Variants in ARHGAP26 observed in about 807,000 individuals in gnomAD.
ARHGAP26 encodes rho GTPase-activating protein 26.
ARHGAP26 carries 38 observed loss-of-function variants against 104.8 expected under a neutral mutation model. That is an observed-to-expected ratio of 0.36 (90% CI 0.28 to 0.48). The LOEUF is 0.48. Among genes scored for constraint, ARHGAP26 ranks in the 20% least tolerant of loss-of-function variants. The probability of loss-of-function intolerance (pLI) is 0.99; values close to 1 mark genes in which losing one functional copy is unlikely to be tolerated. For missense variants in ARHGAP26, 704 were observed against 947.9 expected (o/e 0.74, Z 3.38); for synonymous variants, 341 against 340.0 (o/e 1.00, Z -0.03).
At chr5:143,139,855 G>A (rs193083141) in intron 19 of ARHGAP26, among the ~76,000 whole-genome samples, 34 of 152,284 alleles carry the variant, frequency 2.2e-4, no homozygotes, top group Non-Finnish European at 1.6e-4. Context: ...TGACACACAC[G>A]CTGTGCTTTT....
chr5:143,209,172 T>C (rs1166702274), intron 21 of ARHGAP26, among the ~76,000 whole-genome samples: 1 of 152,206 alleles, frequency 6.6e-6, no homozygotes, highest in Non-Finnish European at 1.5e-5. Flanking sequence ...ATCACTCAGC[T>C]AAAATCCTAA....
intron 11 of ARHGAP26, among the ~76,000 whole-genome samples, chr5:142,972,077 G>A (rs1470618475): frequency 1.3e-5 from 2 of 152,134 alleles, no homozygotes; most frequent in Non-Finnish European, 2.9e-5. Context: ...AGCTACTCGG[G>A]AGGCTGGGGC....
intron 13 of ARHGAP26, among the ~76,000 whole-genome samples, chr5:143,039,527 A>AT (rs1491023599): frequency 3.8e-5 from 4 of 106,446 alleles, no homozygotes; most frequent in Non-Finnish European, 2.8e-5. Flanking sequence ...CAGGAGTTTT[A>AT]ATTTTTTTTT....
At chr5:142,797,127 T>A (rs1440741122) in intron 1 of ARHGAP26, among the ~76,000 whole-genome samples, 11 of 152,230 alleles carry the variant, frequency 7.2e-5, no homozygotes, top group Admixed American at 2.0e-4. Flanking sequence ...CATAGTGACA[T>A]AATCAAAGCT....
At chr5:142,800,430 C>G (rs1359337164) in intron 1 of ARHGAP26, among the ~76,000 whole-genome samples, 1 of 150,792 alleles carries the variant, frequency 6.6e-6, no homozygotes, top group Non-Finnish European at 1.5e-5. Context: ...AGTGCAATAG[C>G]GTGATCTCGG....
intron 12 of ARHGAP26, among the ~76,000 whole-genome samples, chr5:143,033,482 C>CA (rs1177677169): frequency 9.9e-5 from 15 of 152,080 alleles, no homozygotes; most frequent in Non-Finnish European, 1.8e-4. Context: ...GCCACACACA[C>CA]AAAAAAAGGT....
intron 17 of ARHGAP26, among the ~76,000 whole-genome samples, chr5:143,090,070 C>T (rs1005116378): frequency 1.3e-5 from 2 of 152,252 alleles, no homozygotes; most frequent in African/African-American, 4.8e-5. Context: ...TGCATCCTTT[C>T]AGGTCTCCAA....
chr5:142,783,999 G>C (rs552478423), intron 1 of ARHGAP26, among the ~76,000 whole-genome samples: 1 of 152,200 alleles, frequency 6.6e-6, no homozygotes, highest in Non-Finnish European at 1.5e-5. Context: ...CACTGGAGGC[G>C]AGTGCCTCAG....
chr5:143,160,482 T>TA (rs1801091866), intron 20 of ARHGAP26, among the ~76,000 whole-genome samples: 1 of 150,820 alleles, frequency 6.6e-6, no homozygotes, highest in African/African-American at 2.4e-5. Context: ...GTGGTTTTTT[T>TA]TTCTTTCTTT....
intron 17 of ARHGAP26, among the ~76,000 whole-genome samples, chr5:143,119,310 G>A (rs1035826236): frequency 6.6e-6 from 1 of 152,184 alleles, no homozygotes; most frequent in Non-Finnish European, 1.5e-5. Flanking sequence ...ACTTGCACAC[G>A]GGACTTTTGT....
chr5:143,094,542 T>C (rs1235226961), intron 17 of ARHGAP26, among the ~76,000 whole-genome samples: 3 of 152,220 alleles, frequency 2.0e-5, no homozygotes, highest in Non-Finnish European at 2.9e-5. Context: ...ACAAAAGGAA[T>C]AGCACTTGAA....
intron 11 of ARHGAP26, among the ~76,000 whole-genome samples, chr5:142,979,280 T>A (rs1773583072): frequency 6.6e-6 from 1 of 152,242 alleles, no homozygotes; most frequent in African/African-American, 2.4e-5. Flanking sequence ...GGCAGTTTCA[T>A]CTGGGCGTTG....
At chr5:142,903,265 C>A (rs1760632397) in intron 7 of ARHGAP26, among the ~76,000 whole-genome samples, 1 of 152,120 alleles carries the variant, frequency 6.6e-6, no homozygotes, top group Non-Finnish European at 1.5e-5. Context: ...TTTTGGCATC[C>A]AGAGGTGCTG....
chr5:142,913,278 T>G lies in ARHGAP26; in HGVS notation c.1013T>G (p.Val338Gly). 1 of 1,614,166 alleles carries G rather than the reference T, an allele frequency of 6.2e-7. No homozygotes were observed. The change falls in exon 10 of 23, where the codon GTG becomes GGG. Residue 338 changes from valine (V) to glycine (G), a missense_variant. Coordinates refer to ENST00000645722, the MANE Select transcript of ARHGAP26 (RefSeq NM_001135608.3). ...ATTGAGAAGAGGTTTTGCTTTGATG[T>G]GGAAGCAGTAGACAGGTGAGTAGCT... The part of the protein sequence containing the change: ...DSIEKRFCFD[V>G]EAVDRPGVIT...
At chr5:143,189,860 C>A (rs1805670880) in intron 20 of ARHGAP26, among the ~76,000 whole-genome samples, 1 of 152,088 alleles carries the variant, frequency 6.6e-6, no homozygotes, top group South Asian at 2.1e-4. Context: ...TGGCTTGTTA[C>A]CTGCTGTGTT....
intron 10 of ARHGAP26, chr5:142,919,137 A>G (rs1762869216): frequency 2.5e-6 from 1 of 397,778 alleles, no homozygotes; most frequent in African/African-American, 2.1e-5. Flanking sequence ...AGATTACTTG[A>G]TAGAGATAAT....
chr5:142,779,279 G>T (rs1005303437), intron 1 of ARHGAP26, among the ~76,000 whole-genome samples: 2 of 152,184 alleles, frequency 1.3e-5, no homozygotes, highest in South Asian at 2.1e-4. Flanking sequence ...AAACAGCTTG[G>T]CAGTGTGGGC....
At position 143,207,277 on chromosome 5, in the gene ARHGAP26, T is replaced by A. The variant is rs1165831956; in HGVS notation, c.2068T>A (p.Ser690Thr). ...FSAPSSPMPTSSTSSDSSPVS... is the reference protein window; with the variant it reads ...FSAPSSPMPTTSTSSDSSPVS... ...GGCGCCATCCAGCCCTATGCCCACC[T>A]CATCCACGTCCAGCGACTCATCCCC... is the stretch of plus-strand genomic sequence containing the variant. The change falls in exon 21 of 23, where the codon TCA becomes ACA. Residue 690 changes from serine (S) to threonine (T), a missense_variant. Coordinates refer to ENST00000645722, the MANE Select transcript of ARHGAP26 (RefSeq NM_001135608.3). 6.2e-7 allele frequency: 1 copy of A among 1,614,020 alleles called. No homozygotes were observed. Among genetic ancestry groups the A allele is most frequent in the African/African-American group, 1.3e-5 (1 of 74,892 alleles).
chr5:142,812,316 C>T (rs1249152125), intron 1 of ARHGAP26, among the ~76,000 whole-genome samples: 2 of 151,904 alleles, frequency 1.3e-5, no homozygotes, highest in African/African-American at 2.4e-5. Context: ...TGTAGTGGTG[C>T]AGTCATGGCT....
Sources: allele counts gnomAD v4.1 joint callset (sites outside exome capture counted in the v4.1 genomes callset), GRCh38; gene constraint gnomAD v4.1.1; transcripts MANE v1.5; gene names NCBI Gene and HGNC (gene_info 2026-07-23, HGNC 2026-07-21).